Variants in SEC61A2 observed in about 807,000 individuals in gnomAD.
SEC61A2 encodes SEC61 translocon subunit alpha 2.
Under a neutral mutation model 59.9 loss-of-function variants are expected in SEC61A2, and 28 were observed. That is an observed-to-expected ratio of 0.47 (90% CI 0.35 to 0.64). The LOEUF (loss-of-function observed/expected upper bound fraction) is 0.64, where lower values mean the gene tolerates loss of function less well. SEC61A2 is among the 30% of genes least tolerant of loss of function. The pLI is 0.01. For missense variants in SEC61A2, 340 were observed against 585.9 expected (o/e 0.58, Z 4.33); for synonymous variants, 202 against 214.4 (o/e 0.94, Z 0.50).
chr10:12,161,112 A>G lies in SEC61A2; in HGVS notation c.1158A>G (p.Ser386=). 3.7e-6 allele frequency: 6 copies of G among 1,607,210 alleles called. No individual in the cohort carries two copies. The highest frequency in any genetic ancestry group is 5.1e-6 in the Non-Finnish European group (6 of 1,176,888). ...CATGGATTGAAGTGTCTGGTTCCTCAGCCAAAGATGTAAGTGTTTGGTTTA... is the reference window on the plus strand; with the variant it reads ...CATGGATTGAAGTGTCTGGTTCCTCGGCCAAAGATGTAAGTGTTTGGTTTA... ...SKTWIEVSGS[S]AKDVAKQLKE... The change falls in exon 10 of 12, where the codon TCA becomes TCG. Residue 386 remains serine (S), a synonymous_variant. Coordinates refer to ENST00000298428, the MANE Select transcript of SEC61A2 (RefSeq NM_018144.4). The surrounding 1 kb of genome is among the most constrained non-coding windows in gnomAD (Gnocchi z 5.4).
chr10:12,146,011 G>A (rs1473296564), intron 4 of SEC61A2, among the ~76,000 whole-genome samples: 2 of 152,204 alleles, frequency 1.3e-5, no homozygotes, highest in East Asian at 3.9e-4. Context: ...CACACTCCCA[G>A]ATTTATTTTA....
downstream of SEC61A2, among the ~76,000 whole-genome samples, chr10:12,168,137 G>A (rs1834753352): frequency 6.6e-6 from 1 of 151,586 alleles, no homozygotes; most frequent in Non-Finnish European, 1.5e-5. The surrounding 1 kb of genome is among the most constrained non-coding windows in gnomAD (Gnocchi z 4.8). Context: ...CGATTCTCCT[G>A]CCTCAGCCTC....
At chr10:12,138,689 G>C (rs927836617) in intron 3 of SEC61A2, among the ~76,000 whole-genome samples, 10 of 152,272 alleles carry the variant, frequency 6.6e-5, no homozygotes, top group African/African-American at 2.4e-4. Flanking sequence ...TGGTCGTTAC[G>C]TCAGTAACTC....
chr10:12,162,187 T>C lies in SEC61A2; in HGVS notation c.1168-26T>C, dbSNP rs1343047322. 1 of 1,606,274 alleles carries C rather than the reference T, an allele frequency of 6.2e-7. No individual in the cohort carries two copies. Among genetic ancestry groups the C allele is most frequent in the Admixed American group, 1.7e-5 (1 of 59,798 alleles). On this transcript the variant is annotated intron_variant, in intron 10 of 11. Transcript: ENST00000298428. This position sits in a 1 kb window ranked among gnomAD's most constrained non-coding sequence, Gnocchi z 6.1. ...AAGCAGTGAAATGTTCCAGTTGGAT[T>C]TTGAAAGTCGTTTTTCTCTCGGCAG... is the stretch of plus-strand genomic sequence containing the variant.
At chr10:12,169,526 C>T (rs1185928197), downstream of SEC61A2, 2 of 497,382 alleles carry the variant, frequency 4.0e-6, no homozygotes, top group Non-Finnish European at 3.6e-6. This position sits in a 1 kb window ranked among gnomAD's most constrained non-coding sequence, Gnocchi z 4.8. Context: ...TGCGCTGCCT[C>T]GTATTGATTG....
At position 12,161,173 on chromosome 10, in the gene SEC61A2, C is replaced by G; in HGVS notation, c.1167+52C>G. On this transcript the variant is annotated intron_variant, in intron 10 of 11. Coordinates refer to ENST00000298428, the MANE Select transcript of SEC61A2 (RefSeq NM_018144.4). The surrounding 1 kb of genome is among the most constrained non-coding windows in gnomAD (Gnocchi z 5.4). Reference sequence around the variant, plus strand: ...AAACTCTTGGCAATGCATGGTGGCGCACATCTGTAATCGTAGCACTTTGGC... The same window carrying G: ...AAACTCTTGGCAATGCATGGTGGCGGACATCTGTAATCGTAGCACTTTGGC... The G allele has an allele frequency of 6.9e-7, 1 of 1,439,896 alleles. No individual in the cohort carries two copies. 89.2% of individuals were successfully genotyped at this position (1,439,896 alleles called of 1,614,324 possible).
At chr10:12,168,636 C>G (rs2131695234), downstream of SEC61A2, among the ~76,000 whole-genome samples, 1 of 152,312 alleles carries the variant, frequency 6.6e-6, no homozygotes, top group East Asian at 1.9e-4. This position sits in a 1 kb window ranked among gnomAD's most constrained non-coding sequence, Gnocchi z 4.8. Context: ...TCTTGTTTTC[C>G]TAGCCGCTTG....
chr10:12,131,256 T>C (rs1197640664), intron 1 of SEC61A2, among the ~76,000 whole-genome samples: 2 of 152,224 alleles, frequency 1.3e-5, no homozygotes, highest in African/African-American at 4.8e-5. Context: ...TTTAGGCAAC[T>C]ACAGAAACGT....
downstream of SEC61A2, among the ~76,000 whole-genome samples, chr10:12,168,831 T>C (rs889897462): frequency 6.6e-6 from 1 of 152,044 alleles, no homozygotes; most frequent in Non-Finnish European, 1.5e-5. This position sits in a 1 kb window ranked among gnomAD's most constrained non-coding sequence, Gnocchi z 4.8. Flanking sequence ...GCCACGATCT[T>C]GGCTCACTGC....
At position 12,142,224 on chromosome 10, in the gene SEC61A2, T is replaced by G. The variant is rs1162425214; in HGVS notation, c.142-893T>G. Among the ~76,000 whole-genome samples the G allele has an allele frequency of 2.6e-5, 4 of 152,154 alleles. No homozygotes were observed. The highest frequency in any genetic ancestry group is 5.9e-5 in the Non-Finnish European group (4 of 68,024). On this transcript the variant is annotated intron_variant, in intron 3 of 11. Coordinates refer to ENST00000298428, the MANE Select transcript of SEC61A2 (RefSeq NM_018144.4). The surrounding 1 kb of genome is among the most constrained non-coding windows in gnomAD (Gnocchi z 5.4). ...TAAAGCAGGAATCAGGAGGTATCCC[T>G]GAGACCAGGGTTGAGCAGAAGTCAA...
chr10:12,161,810 T>C lies in SEC61A2; in HGVS notation c.1168-403T>C, dbSNP rs1250395902. ...AAAATAAAACTTTGTTTTTGGAAAA[T>C]TCATATTTAATTGTCAAAACAGTAG... is the stretch of plus-strand genomic sequence containing the variant. On this transcript the variant is annotated intron_variant, in intron 10 of 11. Coordinates refer to ENST00000298428, the MANE Select transcript of SEC61A2 (RefSeq NM_018144.4). The surrounding 1 kb of genome is among the most constrained non-coding windows in gnomAD (Gnocchi z 5.4). 1.3e-5 allele frequency among the ~76,000 whole-genome samples: 2 copies of C among 152,056 alleles called. No individual in the cohort carries two copies. The highest frequency in any genetic ancestry group is 2.9e-5 in the Non-Finnish European group (2 of 67,994).
intron 3 of SEC61A2, among the ~76,000 whole-genome samples, chr10:12,141,255 T>TC (rs1448029203): frequency 6.6e-6 from 1 of 152,198 alleles, no homozygotes; most frequent in Non-Finnish European, 1.5e-5. Flanking sequence ...ACATAAAATA[T>TC]CCATGTTTCA....
chr10:12,134,273 C>T (rs1833832637), intron 2 of SEC61A2, among the ~76,000 whole-genome samples: 1 of 152,238 alleles, frequency 6.6e-6, no homozygotes, highest in African/African-American at 2.4e-5. Context: ...TCCCAAAGTG[C>T]TGGGATTACA....
chr10:12,133,190 CT>C, intron 1 of SEC61A2, 50 bp from the exon 2 acceptor site: 1 of 926,324 alleles, frequency 1.1e-6, no homozygotes, highest in Non-Finnish European at 1.7e-6. Context: ...AAAGACAGAT[CT>C]TTTTTTAACT....
chr10:12,143,072 C>A lies in SEC61A2; in HGVS notation c.142-45C>A. 6.9e-7 allele frequency: 1 copy of A among 1,453,586 alleles called. No individual in the cohort carries two copies. The highest frequency in any genetic ancestry group is 9.7e-7 in the Non-Finnish European group (1 of 1,034,334). 90.0% of individuals were successfully genotyped at this position (1,453,586 alleles called of 1,614,324 possible). On this transcript the variant is annotated intron_variant, in intron 3 of 11. Coordinates refer to ENST00000298428, the MANE Select transcript of SEC61A2 (RefSeq NM_018144.4). The surrounding 1 kb of genome is among the most constrained non-coding windows in gnomAD (Gnocchi z 4.8). The stretch of plus-strand genomic sequence containing the variant: ...GGTTCAAGCGATTCTTATGCCTCAG[C>A]CTTATATAATACAGTTTCATAAACT...
At position 12,156,087 on chromosome 10, in the gene SEC61A2, G is replaced by A. The variant is rs1834391293; in HGVS notation, c.616+156G>A. 6.6e-6 allele frequency among the ~76,000 whole-genome samples: 1 copy of A among 152,144 alleles called. No individual in the cohort carries two copies. The highest frequency in any genetic ancestry group is 2.1e-4 in the South Asian group (1 of 4,828). On this transcript the variant is annotated intron_variant, in intron 7 of 11. Coordinates refer to ENST00000298428, the MANE Select transcript of SEC61A2 (RefSeq NM_018144.4). This position sits in a 1 kb window ranked among gnomAD's most constrained non-coding sequence, Gnocchi z 5.2. ...CAAAACTTAATGAGCAGAGATTTGT[G>A]GAGTAAGCAATACTACCTCAGAGAG...
chr10:12,148,239 AT>A (rs66965878), intron 4 of SEC61A2, among the ~76,000 whole-genome samples: 67,292 of 96,876 alleles, frequency 0.69, 23,530 homozygotes, highest in South Asian at 0.76. Flanking sequence ...ATGCCCGGCC[AT>A]TTTTTTTTTT....
intron 1 of SEC61A2, among the ~76,000 whole-genome samples, chr10:12,132,227 G>C (rs908651045): frequency 1.3e-5 from 2 of 151,504 alleles, no homozygotes; most frequent in African/African-American, 4.9e-5. Context: ...CTTGAACCCG[G>C]GGGGCGGAGG....
chr10:12,149,340 C>T lies in SEC61A2; in HGVS notation c.221-255C>T, dbSNP rs1200894000. On this transcript the variant is annotated intron_variant, in intron 4 of 11. Transcript: ENST00000298428. This position sits in a 1 kb window ranked among gnomAD's most constrained non-coding sequence, Gnocchi z 5.2. ...CTGACCTCAGGTGATCCACACACCT[C>T]GGCCTCCCAAAGTGTGGGGACTGCA... 3.9e-5 allele frequency among the ~76,000 whole-genome samples: 6 copies of T among 152,024 alleles called. No homozygotes were observed. Among genetic ancestry groups the T allele is most frequent in the Middle Eastern group, 3.4e-3 (1 of 294 alleles).
Sources: gnomAD v4.1 joint callset for allele counts (sites outside exome capture counted in the v4.1 genomes callset) on GRCh38, gnomAD v4.1.1 for gene constraint, Gnocchi (gnomAD v3.1) non-coding constraint, MANE v1.5 for transcripts, NCBI Gene and HGNC (gene_info 2026-07-23, HGNC 2026-07-21) for gene names.